Variants in SENP6 observed in about 807,000 individuals in gnomAD.
The protein encoded by SENP6 is SUMO specific peptidase 6.
In SENP6, 41 loss-of-function variants were observed where a neutral mutation model predicts 134.5. The ratio of observed to expected loss-of-function variants is 0.30; its 90% CI spans 0.24 to 0.40. The LOEUF (loss-of-function observed/expected upper bound fraction) is 0.40, where lower values mean the gene tolerates loss of function less well. Ranked by LOEUF, SENP6 falls within the 10% of genes least tolerant of loss-of-function variation. The pLI is 1.00. For synonymous variants in SENP6, 395 were observed against 429.8 expected (o/e 0.92, Z 1.00); for missense variants, 1,248 against 1,312.5 (o/e 0.95, Z 0.76).
chr6:75,688,917 T>C (rs993413635), intron 16 of SENP6, among the ~76,000 whole-genome samples: 10 of 152,146 alleles, frequency 6.6e-5, no homozygotes, highest in African/African-American at 2.4e-4. Flanking sequence ...AAATACAAAA[T>C]TAGCCAGGTG....
Position 75,713,553 on chromosome 6 carries a change from C to T in SENP6, c.2950C>T (p.Arg984Trp), listed in dbSNP as rs781579463. 1.5e-5 allele frequency: 25 copies of T among 1,613,612 alleles called. No individual in the cohort carries two copies. Among genetic ancestry groups the T allele is most frequent in the South Asian group, 2.2e-5 (2 of 91,038 alleles). The change falls in exon 22 of 24, where the codon CGG (arginine) becomes TGG (tryptophan). Residue 984 changes from arginine (R) to tryptophan (W), a missense_variant. Arg to Trp is a moderately radical substitution (Grantham distance 101). Around this residue, in one of 3 missense-constraint regions of SENP6, gnomAD observed 386 missense variants for 395.0 expected, o/e 0.98. Coordinates refer to ENST00000447266, the MANE Select transcript of SENP6 (RefSeq NM_015571.4). Reference sequence around the variant, plus strand: ...TATGGACTCACTCCGAGGCCCTTCTCGGTCAAATGTTGTCAAAATTTTAAG... The same window carrying T: ...TATGGACTCACTCCGAGGCCCTTCTTGGTCAAATGTTGTCAAAATTTTAAG... Reference protein sequence around the residue: ...LLMDSLRGPSRSNVVKILREY... With the variant: ...LLMDSLRGPSWSNVVKILREY...
intron 6 of SENP6, among the ~76,000 whole-genome samples, chr6:75,645,541 C>T (rs1370683640): frequency 1.3e-5 from 2 of 152,094 alleles, no homozygotes; most frequent in Admixed American, 6.5e-5. Context: ...CACTTGAACC[C>T]GGGAGGCAGA....
chr6:75,666,680 ATATAAAT>A (rs749531742), intron 9 of SENP6, 25 bp from the exon 10 acceptor site: 53 of 1,025,630 alleles, frequency 5.2e-5, no homozygotes, highest in African/African-American at 1.7e-5. Context: ...TATAGTTTTA[ATATAAAT>A]TATAAATTAT....
rs139280102 is a variant in SENP6, at chr6:75,672,399, T to G, written c.1392+1679T>G. Among the ~76,000 whole-genome samples, 1,006 of 152,312 alleles carry G rather than the reference T, an allele frequency of 6.6e-3. 8 individuals carry two copies. Among genetic ancestry groups the G allele is most frequent in the African/African-American group, 0.023 (973 of 41,564 alleles). ...TATTTGCTACAGTGAAGAAAAACTT[T>G]GTAAATTTAGTTAAAAAAATAAAAG... is the stretch of plus-strand genomic sequence containing the variant. On this transcript the variant is annotated intron_variant, in intron 11 of 23. Transcript: ENST00000447266.
rs368141100 is a variant in SENP6, at chr6:75,707,724, GAAGTT to G, written c.2717-1799_2717-1795del. 1.2e-3 allele frequency among the ~76,000 whole-genome samples: 178 copies of G among 152,016 alleles called. 1 individual carries two copies. The East Asian group carries it at 0.02, about 17-fold the overall frequency. ...TTTTTGAGACAGTCTCACTTTCATA[GAAGTT>G]AAGAGTACAGCAATACAATCACAGT... On this transcript the variant is annotated intron_variant, in intron 19 of 23. Transcript: ENST00000447266.
rs1174044103 is a variant in SENP6 at position 75,701,350 on chromosome 6, T to C, written c.2289-1295T>C. ...TATACTCTACTGTTGGGAACAGTGA[T>C]ACCTGAATTCAGCTGTATCATAAGC... is the stretch of plus-strand genomic sequence containing the variant. On this transcript the variant is annotated intron_variant, in intron 18 of 23. Transcript: ENST00000447266. Among the ~76,000 whole-genome samples, 4 of 152,170 alleles carry C rather than the reference T, an allele frequency of 2.6e-5. No individual in the cohort carries two copies. In the East Asian group the frequency reaches 7.7e-4, roughly 29 times the overall value.
At chr6:75,659,465 T>G in intron 8 of SENP6, 58 bp downstream of exon 8, 1 of 1,434,800 alleles carries the variant, frequency 7.0e-7, no homozygotes, top group Non-Finnish European at 9.6e-7. Flanking sequence ...TAATATTAGT[T>G]TCAGTACTTA....
intron 16 of SENP6, among the ~76,000 whole-genome samples, chr6:75,694,420 A>T (rs141485805): frequency 6.6e-6 from 1 of 152,366 alleles, no homozygotes; most frequent in East Asian, 1.9e-4. Flanking sequence ...GAAATAAACA[A>T]TACATAATGA....
Position 75,716,127 on chromosome 6 carries a change from T to C in SENP6, c.*533T>C, listed in dbSNP as rs1284452652. 6.6e-6 allele frequency: 1 copy of C among 152,140 alleles called. No homozygotes were observed. Among genetic ancestry groups the C allele is most frequent in the Non-Finnish European group, 1.5e-5 (1 of 67,936 alleles). 9.4% of individuals were successfully genotyped at this position (152,140 alleles called of 1,614,324 possible). A position where few individuals can be genotyped will look rare whatever the true frequency, so the allele number is the denominator to read the frequency against. On this transcript the variant is annotated 3_prime_UTR_variant, in exon 24 of 24. Transcript: ENST00000447266. ...CAAAGTAACAGCCTTTCAATTCATATACTGCCTTGTGTTCAGTGAACCCAA... is the reference window on the plus strand; with the variant it reads ...CAAAGTAACAGCCTTTCAATTCATACACTGCCTTGTGTTCAGTGAACCCAA...
chr6:75,606,758 A>G (rs1339452540), intron 1 of SENP6, among the ~76,000 whole-genome samples: 1 of 151,696 alleles, frequency 6.6e-6, no homozygotes, highest in Non-Finnish European at 1.5e-5. Context: ...GGGATAATAT[A>G]ATAAAATTTG....
chr6:75,648,866 A>T (rs1287780831), intron 7 of SENP6, among the ~76,000 whole-genome samples: 5 of 152,220 alleles, frequency 3.3e-5, no homozygotes. Flanking sequence ...TAGGGCTAGT[A>T]AATGACAGAG....
Position 75,678,661 on chromosome 6 carries a change from A to T in SENP6, c.1927A>T (p.Asn643Tyr). The T allele has an allele frequency of 1.2e-6, 2 of 1,603,552 alleles. No individual in the cohort carries two copies. Among genetic ancestry groups the T allele is most frequent in the Non-Finnish European group, 8.5e-7 (1 of 1,172,580 alleles). ...TGATGAAGAAGAAGAAACTGGAGAAAACCACACCATCTTCATTGGCCCAGT... is the reference window on the plus strand; with the variant it reads ...TGATGAAGAAGAAGAAACTGGAGAATACCACACCATCTTCATTGGCCCAGT... The part of the protein sequence containing the change: ...FFDEEEETGE[N>Y]HTIFIGPVEK... The change falls in exon 15 of 24, where the codon AAC becomes TAC. Residue 643 changes from asparagine (N) to tyrosine (Y), a missense_variant. Physicochemically the swap from Asn to Tyr is moderately radical, Grantham distance 143. Transcript: ENST00000447266.
intron 8 of SENP6, among the ~76,000 whole-genome samples, chr6:75,662,053 AAAAT>A (rs370813391): frequency 1.3e-4 from 19 of 151,880 alleles, no homozygotes; most frequent in African/African-American, 3.6e-4. Flanking sequence ...TCTCCTTCTC[AAAAT>A]AAATAAATAA....
chr6:75,619,160 C>A (rs1768077931), intron 1 of SENP6, among the ~76,000 whole-genome samples: 1 of 151,970 alleles, frequency 6.6e-6, no homozygotes, highest in Non-Finnish European at 1.5e-5. Flanking sequence ...CAGCCACCAC[C>A]AATATTTATT....
intron 14 of SENP6, chr6:75,678,157 G>C (rs1384922525): frequency 6.5e-6 from 1 of 154,790 alleles, no homozygotes; most frequent in Non-Finnish European, 1.4e-5. Context: ...AGGAACCCCT[G>C]TTTCACTTAG....
Position 75,621,552 on chromosome 6 carries a change from A to C in SENP6, c.73A>C (p.Lys25Gln). ...TTCAGCTTTGGCTAGATCAGAGTCT[A>C]AGAGAGATGGAGGTTTTAAAAATAA... ...FLEALARSES[K>Q]RDGGFKNNWS... Residue 25 changes from lysine (K) to glutamine (Q), a missense_variant, in exon 2 of 24, where the codon AAG (lysine) becomes CAG (glutamine). By Grantham distance (53) the Lys-to-Gln change is moderately conservative. Around this residue, in one of 3 missense-constraint regions of SENP6, gnomAD observed 733 missense variants for 725.4 expected, o/e 1.01. Transcript: ENST00000447266. 6.2e-7 allele frequency: 1 copy of C among 1,610,180 alleles called. No individual in the cohort carries two copies. The highest frequency in any genetic ancestry group is 8.5e-7 in the Non-Finnish European group (1 of 1,176,868).
intron 21 of SENP6, among the ~76,000 whole-genome samples, chr6:75,713,064 G>A (rs1029734475): frequency 1.2e-4 from 18 of 151,358 alleles, no homozygotes; most frequent in African/African-American, 4.1e-4. Flanking sequence ...CTGTTATTAC[G>A]CTGCTTCACA....
At chr6:75,688,329 C>T (rs1185005897) in intron 16 of SENP6, among the ~76,000 whole-genome samples, 1 of 152,154 alleles carries the variant, frequency 6.6e-6, no homozygotes, top group East Asian at 1.9e-4. Context: ...AAAGGGAAAT[C>T]CCCCAACCTG....
chr6:75,610,742 C>T (rs1767379348), intron 1 of SENP6, among the ~76,000 whole-genome samples: 1 of 152,106 alleles, frequency 6.6e-6, no homozygotes, highest in African/African-American at 2.4e-5. Context: ...TGAAATCAGC[C>T]TGGAGTAGTA....
Sources: gnomAD v4.1 joint callset for allele counts (sites outside exome capture counted in the v4.1 genomes callset) on GRCh38, gnomAD v4.1.1 for gene constraint, gnomAD v4.1.1 regional missense constraint, MANE v1.5 for transcripts, NCBI Gene and HGNC (gene_info 2026-07-23, HGNC 2026-07-21) for gene names.